Variants in DLGAP1 observed in about 807,000 individuals in gnomAD.
DLGAP1 encodes the protein disks large-associated protein 1.
A neutral mutation model predicts 90.8 loss-of-function variants in DLGAP1; 11 were observed. The observed-to-expected ratio is 0.12, with a 90% confidence interval of 0.08 to 0.20. DLGAP1 has a LOEUF of 0.20. DLGAP1 is among the 10% of genes least tolerant of loss of function. DLGAP1 has a pLI of 1.00. For synonymous variants in DLGAP1, 558 were observed against 540.7 expected, an observed-to-expected ratio of 1.03 and a Z score of -0.44; for missense variants, 1,050 against 1,333.8, an observed-to-expected ratio of 0.79 and a Z score of 3.31.
intron 3 of DLGAP1, among the ~76,000 whole-genome samples, chr18:3,957,768 T>C (rs2073111140): frequency 6.6e-6 from 1 of 152,062 alleles, no homozygotes; most frequent in Non-Finnish European, 1.5e-5. Context: ...AAGGAATTTC[T>C]ATCTTAGTCA....
chr18:4,244,994 A>G (rs1401965849), intron 1 of DLGAP1, among the ~76,000 whole-genome samples: 1 of 152,214 alleles, frequency 6.6e-6, no homozygotes. Flanking sequence ...TGTTATAAAT[A>G]TAGCAAGATT....
chr18:3,994,851 G>A (rs1428925196), intron 3 of DLGAP1, among the ~76,000 whole-genome samples: 1 of 152,096 alleles, frequency 6.6e-6, no homozygotes, highest in Admixed American at 6.5e-5. Context: ...TTGGAGCACA[G>A]CTCTTTAATA....
intron 5 of DLGAP1, among the ~76,000 whole-genome samples, chr18:3,809,767 C>T (rs889576996): frequency 2.0e-5 from 3 of 152,036 alleles, no homozygotes; most frequent in African/African-American, 4.8e-5. Flanking sequence ...TAAATGACAC[C>T]CCACTTAATA....
chr18:4,338,364 A>G (rs2081117899), intron 1 of DLGAP1, among the ~76,000 whole-genome samples: 1 of 152,228 alleles, frequency 6.6e-6, no homozygotes. Flanking sequence ...TACATAGTAC[A>G]TGTCCAATAA....
At chr18:4,268,242 T>G (rs2145328253) in intron 1 of DLGAP1, among the ~76,000 whole-genome samples, 1 of 152,384 alleles carries the variant, frequency 6.6e-6, no homozygotes, top group Admixed American at 6.5e-5. Flanking sequence ...TGTTGATGGC[T>G]TATATATTCT....
chr18:3,619,139 G>C (rs911051247), intron 7 of DLGAP1, among the ~76,000 whole-genome samples: 11 of 152,160 alleles, frequency 7.2e-5, no homozygotes, highest in Non-Finnish European at 1.2e-4. Context: ...TGGTCTCCCA[G>C]CTTCCAGAAC....
intron 1 of DLGAP1, among the ~76,000 whole-genome samples, chr18:4,246,155 T>C (rs2078649119): frequency 1.3e-5 from 2 of 152,144 alleles, no homozygotes; most frequent in Non-Finnish European, 2.9e-5. Context: ...TATCCCCCAG[T>C]AGGAGCAGCA....
chr18:4,192,390 T>G (rs2077418493), intron 1 of DLGAP1, among the ~76,000 whole-genome samples: 1 of 152,168 alleles, frequency 6.6e-6, no homozygotes, highest in Non-Finnish European at 1.5e-5. Flanking sequence ...TGATAACGAC[T>G]GCAACTCATC....
At chr18:4,429,670 A>G (rs2083239048) in intron 1 of DLGAP1, among the ~76,000 whole-genome samples, 2 of 152,186 alleles carry the variant, frequency 1.3e-5, no homozygotes, top group South Asian at 4.1e-4. Flanking sequence ...ACAGCTGCTC[A>G]TGATCTTGTA....
At chr18:4,042,131 T>C (rs2074984603) in intron 2 of DLGAP1, among the ~76,000 whole-genome samples, 1 of 152,192 alleles carries the variant, frequency 6.6e-6, no homozygotes, top group Non-Finnish European at 1.5e-5. Context: ...TTCATTTTCT[T>C]AGAGAGTTAC....
chr18:4,025,829 C>A (rs1201411043), intron 2 of DLGAP1, among the ~76,000 whole-genome samples: 1 of 152,098 alleles, frequency 6.6e-6, no homozygotes, highest in Non-Finnish European at 1.5e-5. Context: ...ATTCTTCAAA[C>A]TGACATTTTT....
At chr18:3,735,166 T>G (rs7227603) in intron 6 of DLGAP1, among the ~76,000 whole-genome samples, 1 of 152,126 alleles carries the variant, frequency 6.6e-6, no homozygotes, top group Non-Finnish European at 1.5e-5. Context: ...AAAATAAGTA[T>G]AATAATACTT....
At chr18:3,917,191 A>G (rs12965712) in intron 3 of DLGAP1, among the ~76,000 whole-genome samples, 5 of 152,038 alleles carry the variant, frequency 3.3e-5, no homozygotes, top group Non-Finnish European at 7.4e-5. Context: ...GCATTTTTGA[A>G]TTAATGATAT....
intron 1 of DLGAP1, among the ~76,000 whole-genome samples, chr18:4,400,535 T>C (rs941281584): frequency 6.6e-6 from 1 of 152,042 alleles, no homozygotes; most frequent in East Asian, 1.9e-4. Context: ...CGGATATATG[T>C]CACTAAGTGT....
intron 2 of DLGAP1, among the ~76,000 whole-genome samples, chr18:4,091,267 T>C (rs1479471142): frequency 2.0e-5 from 3 of 152,152 alleles, no homozygotes; most frequent in African/African-American, 7.2e-5. Context: ...TAAAATAAAA[T>C]AAAATTCTCA....
At chr18:3,832,892 A>G (rs1047284793) in intron 4 of DLGAP1, among the ~76,000 whole-genome samples, 8 of 152,108 alleles carry the variant, frequency 5.3e-5, no homozygotes, top group Non-Finnish European at 1.0e-4. Flanking sequence ...GAGGAGTGAG[A>G]GCACCTTTCT....
In DLGAP1 at chr18:3,819,414, T is replaced by C. The variant is rs556353558; in HGVS notation, c.958-5141A>G. On this transcript the variant is annotated intron_variant, in intron 4 of 12. Transcript: ENST00000315677. ...CCAATATCCAAAATGCTAAAACGTG[T>C]AAACTATGGCTCTTAGAATCAATTA... Among the ~76,000 whole-genome samples, 15 of 152,322 alleles carry C rather than the reference T, an allele frequency of 9.8e-5. No individual in the cohort carries two copies. The South Asian group carries it at 3.1e-3, about 32-fold the overall frequency.
At chr18:3,861,212 G>C (rs1405581481) in intron 4 of DLGAP1, among the ~76,000 whole-genome samples, 1 of 152,234 alleles carries the variant, frequency 6.6e-6, no homozygotes, top group South Asian at 2.1e-4. Context: ...CATTGTTATA[G>C]GAGCTCCAAA....
At chr18:3,613,632 A>G (rs2057729192) in intron 7 of DLGAP1, among the ~76,000 whole-genome samples, 1 of 152,148 alleles carries the variant, frequency 6.6e-6, no homozygotes, top group Non-Finnish European at 1.5e-5. Context: ...CTGGCTAGGA[A>G]GCAATGTTGG....
Sources: allele counts gnomAD v4.1 joint callset (sites outside exome capture counted in the v4.1 genomes callset), GRCh38; gene constraint gnomAD v4.1.1; transcripts MANE v1.5; gene names NCBI Gene and HGNC (gene_info 2026-07-23, HGNC 2026-07-21).